Variants in BTBD9 observed in about 807,000 individuals in gnomAD.
The protein encoded by BTBD9 is BTB domain containing 9.
A neutral mutation model predicts 64.3 loss-of-function variants in BTBD9; 49 were observed. The ratio of observed to expected loss-of-function variants is 0.76; its 90% confidence interval spans 0.61 to 0.97. The LOEUF (loss-of-function observed/expected upper bound fraction) is 0.97, where lower values mean the gene tolerates loss of function less well. Ranked by LOEUF, BTBD9 falls within the 50% of genes least tolerant of loss-of-function variation. The probability of loss-of-function intolerance (pLI) is 0.00; values close to 1 mark genes in which losing one functional copy is unlikely to be tolerated. For missense variants in BTBD9, 598 were observed against 762.1 expected (o/e 0.78, Z 2.53); for synonymous variants, 260 against 274.7 (o/e 0.95, Z 0.53).
intron 6 of BTBD9, among the ~76,000 whole-genome samples, chr6:38,453,471 A>G (rs1281668473): frequency 6.6e-6 from 1 of 152,238 alleles, no homozygotes; most frequent in African/African-American, 2.4e-5. Flanking sequence ...AGTGATTAAC[A>G]GTGGACTCCT....
At chr6:38,633,032 C>T (rs1471272948) in intron 1 of BTBD9, among the ~76,000 whole-genome samples, 5 of 152,174 alleles carry the variant, frequency 3.3e-5, no homozygotes, top group East Asian at 1.9e-4. Context: ...AAATACAGCA[C>T]GTCTTCATAG....
intron 6 of BTBD9, among the ~76,000 whole-genome samples, chr6:38,350,048 G>A (rs1453107592): frequency 6.6e-6 from 1 of 152,186 alleles, no homozygotes; most frequent in Non-Finnish European, 1.5e-5. Flanking sequence ...GGCAGAGAAT[G>A]TGAAATCCAG....
At chr6:38,495,110 C>T (rs766861157) in intron 6 of BTBD9, among the ~76,000 whole-genome samples, 2 of 152,182 alleles carry the variant, frequency 1.3e-5, no homozygotes, top group African/African-American at 4.8e-5. Flanking sequence ...TCACCGAAAC[C>T]GACAAAGCAA....
chr6:38,594,884 T>C (rs1224227270), intron 2 of BTBD9, among the ~76,000 whole-genome samples: 4 of 152,172 alleles, frequency 2.6e-5, no homozygotes, highest in Non-Finnish European at 5.9e-5. Flanking sequence ...GTGCATACCC[T>C]TCAACTCAGT....
chr6:38,588,410 C>G (rs560523927), intron 4 of BTBD9: 1 of 823,246 alleles, frequency 1.2e-6, no homozygotes, highest in African/African-American at 1.7e-5. Context: ...GCCTATAGAC[C>G]AAGATCAAGT....
intron 6 of BTBD9, among the ~76,000 whole-genome samples, chr6:38,512,321 A>G (rs1772813432): frequency 1.3e-5 from 2 of 152,212 alleles, no homozygotes; most frequent in Admixed American, 6.5e-5. Context: ...TGCATCACTC[A>G]TTTGATCAGA....
intron 6 of BTBD9, among the ~76,000 whole-genome samples, chr6:38,479,753 G>A (rs931304750): frequency 5.9e-5 from 9 of 152,154 alleles, no homozygotes; most frequent in Admixed American, 1.3e-4. Context: ...TTAAAAGACA[G>A]GATCTGGCTC....
intron 6 of BTBD9, among the ~76,000 whole-genome samples, chr6:38,477,997 T>C (rs139531626): frequency 1.3e-5 from 2 of 152,278 alleles, no homozygotes; most frequent in African/African-American, 2.4e-5. Context: ...GGGCTTCAAT[T>C]TCTTCATCTG....
At chr6:38,283,897 C>T (rs1182259929) in intron 8 of BTBD9, among the ~76,000 whole-genome samples, 1 of 152,208 alleles carries the variant, frequency 6.6e-6, no homozygotes, top group Non-Finnish European at 1.5e-5. Context: ...ACTGACTAAT[C>T]AACCTGTCAT....
chr6:38,456,138 C>A (rs1373741756), intron 6 of BTBD9, among the ~76,000 whole-genome samples: 1 of 151,852 alleles, frequency 6.6e-6, no homozygotes, highest in Non-Finnish European at 1.5e-5. Flanking sequence ...CTGGCATGTG[C>A]CACCACGCCC....
At position 38,366,647 on chromosome 6, in the gene BTBD9, T is replaced by C. The variant is rs114671614; in HGVS notation, c.1155-21554A>G. ...GAAATATTTTGGAAGCTGCTAAACA[T>C]TGAAATGCTCCTAAACAGTATCAAG... On this transcript the variant is annotated intron_variant, in intron 6 of 10. Transcript: ENST00000481247. Among the ~76,000 whole-genome samples the C allele has an allele frequency of 2.7e-3, 410 of 152,294 alleles. 1 individual carries two copies. The highest frequency in any genetic ancestry group is 4.4e-3 in the Non-Finnish European group (299 of 68,026).
chr6:38,358,198 C>A (rs1048429557), intron 6 of BTBD9, among the ~76,000 whole-genome samples: 3 of 152,036 alleles, frequency 2.0e-5, no homozygotes, highest in Non-Finnish European at 1.5e-5. Context: ...CTCTCCAGAA[C>A]AATCACTATA....
chr6:38,586,821 G>A (rs1776552549), intron 4 of BTBD9, among the ~76,000 whole-genome samples: 1 of 152,134 alleles, frequency 6.6e-6, no homozygotes, highest in African/African-American at 2.4e-5. Flanking sequence ...CCAACACTTT[G>A]GGAGGCTGAG....
At chr6:38,311,843 T>G (rs1762846790) in intron 7 of BTBD9, among the ~76,000 whole-genome samples, 1 of 152,084 alleles carries the variant, frequency 6.6e-6, no homozygotes, top group Non-Finnish European at 1.5e-5. Flanking sequence ...TAATTTAGAG[T>G]ACCTGAGCAC....
intron 9 of BTBD9, among the ~76,000 whole-genome samples, chr6:38,235,616 G>T (rs1334104043): frequency 2.0e-5 from 3 of 152,130 alleles, no homozygotes; most frequent in Admixed American, 2.0e-4. Flanking sequence ...GCAGCTCATG[G>T]CCCCAAATGT....
At chr6:38,194,686 G>T (rs1762214325) in intron 9 of BTBD9, among the ~76,000 whole-genome samples, 2 of 152,168 alleles carry the variant, frequency 1.3e-5, no homozygotes, top group African/African-American at 2.4e-5. Flanking sequence ...GGTTTGAGGA[G>T]CCCAGGCAGT....
At chr6:38,249,859 T>A (rs1047433742) in intron 9 of BTBD9, among the ~76,000 whole-genome samples, 1 of 151,786 alleles carries the variant, frequency 6.6e-6, no homozygotes, top group Non-Finnish European at 1.5e-5. Context: ...AAGCTTCACA[T>A]TCCAAATAGA....
chr6:38,327,365 T>C (rs1763480146), intron 7 of BTBD9, among the ~76,000 whole-genome samples: 2 of 152,278 alleles, frequency 1.3e-5, no homozygotes, highest in East Asian at 1.9e-4. Context: ...TATCGGATTA[T>C]GAAGCAGGAA....
chr6:38,335,206 A>C (rs1044990331), intron 7 of BTBD9, among the ~76,000 whole-genome samples: 1 of 151,472 alleles, frequency 6.6e-6, no homozygotes, highest in Non-Finnish European at 1.5e-5. Flanking sequence ...TTTTTTCTTT[A>C]TAAATTATCT....
Sources: gnomAD v4.1 joint callset for allele counts (sites outside exome capture counted in the v4.1 genomes callset) on GRCh38, gnomAD v4.1.1 for gene constraint, MANE v1.5 for transcripts, NCBI Gene and HGNC (gene_info 2026-07-23, HGNC 2026-07-21) for gene names.